The following STK3 variants were observed in gnomAD, a reference collection of about 807,000 sequenced individuals.
The protein encoded by STK3 is serine/threonine-protein kinase 3.
In STK3, 41 loss-of-function variants were observed where a neutral mutation model predicts 58.0. The observed-to-expected ratio is 0.71, with a 90% confidence interval of 0.55 to 0.92. The LOEUF (loss-of-function observed/expected upper bound fraction) is 0.92. Ranked by LOEUF, STK3 falls within the 40% of genes least tolerant of loss-of-function variation. The pLI is 0.00. For synonymous variants in STK3, 170 were observed against 191.0 expected, an observed-to-expected ratio of 0.89 and a Z score of 0.91; for missense variants, 479 against 602.7, an observed-to-expected ratio of 0.79 and a Z score of 2.15.
intron 3 of STK3, among the ~76,000 whole-genome samples, chr8:98,761,809 G>A (rs190726079): frequency 6.6e-6 from 1 of 152,086 alleles, no homozygotes; most frequent in East Asian, 1.9e-4. Flanking sequence ...TGGTGATTTT[G>A]AAACTTTTGA....
intron 9 of STK3, among the ~76,000 whole-genome samples, chr8:98,536,031 T>TA (rs1809735641): frequency 6.6e-6 from 1 of 152,070 alleles, no homozygotes; most frequent in East Asian, 1.9e-4. Context: ...GTTGACTAAA[T>TA]AAAGAAAGGA....
At position 98,719,996 on chromosome 8, in the gene STK3, T is replaced by A. The variant is rs181147049; in HGVS notation, c.352-12685A>T. On this transcript the variant is annotated intron_variant, in intron 4 of 10. Transcript: ENST00000419617. ...TCCTTAATCAAAAAATGATGCAATATCCAGTCATTCATACAAGTACATGAA... is the reference window on the plus strand; with the variant it reads ...TCCTTAATCAAAAAATGATGCAATAACCAGTCATTCATACAAGTACATGAA... Among the ~76,000 whole-genome samples, 188 of 152,350 alleles carry A rather than the reference T, an allele frequency of 1.2e-3. 1 individual carries two copies. Among genetic ancestry groups the A allele is most frequent in the Admixed American group, 6.3e-3 (97 of 15,304 alleles).
intron 1 of STK3, among the ~76,000 whole-genome samples, chr8:98,803,213 G>C (rs371118397): frequency 1.3e-5 from 2 of 152,074 alleles, no homozygotes; most frequent in East Asian, 3.9e-4. Context: ...TTCATGAAAT[G>C]CATTCAATAA....
At chr8:98,368,735 G>GTGATGGTGCCATCACATC (rs1352659689), downstream of STK3, among the ~76,000 whole-genome samples, 9 of 152,206 alleles carry the variant, frequency 5.9e-5, no homozygotes, top group African/African-American at 1.7e-4. Context: ...CAGATGAACT[G>GTGATGGTGCCATCACATC]TGATGGTGCC....
chr8:98,470,452 G>C (rs1820834960), intron 10 of STK3, among the ~76,000 whole-genome samples: 1 of 152,080 alleles, frequency 6.6e-6, no homozygotes, highest in Non-Finnish European at 1.5e-5. Flanking sequence ...CTTTTCACAG[G>C]GGTGTTCACT....
intron 6 of STK3, among the ~76,000 whole-genome samples, chr8:98,691,793 G>A (rs1200739869): frequency 3.3e-5 from 5 of 151,914 alleles, no homozygotes; most frequent in Admixed American, 1.3e-4. Context: ...TTAGCTGGGC[G>A]TGGTGGCGCG....
In STK3 at chr8:98,694,646, C is replaced by T. The variant is rs182766215; in HGVS notation, c.684+11821G>A. Reference sequence around the variant, plus strand: ...ATAGTTTACTGAGAATCATGATTTCCAACTTCATCCATGTCCCTACAAAGA... The same window carrying T: ...ATAGTTTACTGAGAATCATGATTTCTAACTTCATCCATGTCCCTACAAAGA... On this transcript the variant is annotated intron_variant, in intron 6 of 10. Coordinates refer to ENST00000419617, the MANE Select transcript of STK3 (RefSeq NM_006281.4). 9.2e-3 allele frequency among the ~76,000 whole-genome samples: 1,404 copies of T among 152,248 alleles called. 17 individuals are homozygous for T. The highest frequency in any genetic ancestry group is 0.032 in the African/African-American group (1,327 of 41,534).
chr8:98,550,697 A>G (rs1229020409), intron 8 of STK3, among the ~76,000 whole-genome samples: 3 of 151,818 alleles, frequency 2.0e-5, no homozygotes, highest in Non-Finnish European at 4.4e-5. Context: ...CTGACTGAGG[A>G]CTCTCCCATC....
chr8:98,768,441 C>T (rs535101004), intron 2 of STK3, among the ~76,000 whole-genome samples: 25 of 152,232 alleles, frequency 1.6e-4, no homozygotes, highest in Non-Finnish European at 2.6e-4. Flanking sequence ...TAAGTGATAA[C>T]GCGGCTACTT....
chr8:98,626,475 G>T (rs185985713), intron 6 of STK3, among the ~76,000 whole-genome samples: 356 of 152,254 alleles, frequency 2.3e-3, no homozygotes, highest in Admixed American at 2.2e-3. Flanking sequence ...CATTATAATG[G>T]AAGAGCTGAA....
intron 1 of STK3, among the ~76,000 whole-genome samples, chr8:98,908,494 A>C (rs1229995177): frequency 2.6e-5 from 4 of 152,178 alleles, no homozygotes; most frequent in African/African-American, 9.7e-5. Context: ...TTGAGGCTCC[A>C]GTGAGCTATC....
chr8:98,920,574 T>A (rs1333173064), intron 1 of STK3, among the ~76,000 whole-genome samples: 2 of 152,228 alleles, frequency 1.3e-5, no homozygotes, highest in African/African-American at 2.4e-5. Flanking sequence ...AGCCGTTGTT[T>A]GGACCTGGCG....
intron 6 of STK3, among the ~76,000 whole-genome samples, chr8:98,628,912 G>T (rs149417590): frequency 1.5e-4 from 23 of 151,582 alleles, no homozygotes; most frequent in African/African-American, 5.6e-4. Context: ...AACAGGTTTG[G>T]AAAACATTAA....
chr8:98,500,508 C>T (rs569975619), intron 10 of STK3, among the ~76,000 whole-genome samples: 17 of 152,256 alleles, frequency 1.1e-4, no homozygotes, highest in African/African-American at 4.1e-4. Flanking sequence ...GCTATCTCTA[C>T]CCCTGCCCCC....
intron 6 of STK3, among the ~76,000 whole-genome samples, chr8:98,690,370 A>G (rs934091586): frequency 6.6e-5 from 10 of 152,050 alleles, no homozygotes; most frequent in Non-Finnish European, 1.3e-4. Flanking sequence ...AATGTACAAA[A>G]ATCAGTAGCA....
At chr8:98,662,673 ATTTC>A (rs1489708906) in intron 6 of STK3, among the ~76,000 whole-genome samples, 2 of 151,360 alleles carry the variant, frequency 1.3e-5, no homozygotes, top group Non-Finnish European at 1.5e-5. Flanking sequence ...GTCAAGCTGT[ATTTC>A]TTTTTTTTTT....
chr8:98,439,944 T>C (rs1424684580), intron 1 of STK3, among the ~76,000 whole-genome samples: 1 of 152,128 alleles, frequency 6.6e-6, no homozygotes, highest in East Asian at 1.9e-4. Context: ...CAGTGAGATA[T>C]TGGGCACAAC....
intron 10 of STK3, among the ~76,000 whole-genome samples, chr8:98,468,054 T>G (rs1020001617): frequency 6.6e-6 from 1 of 152,334 alleles, no homozygotes; most frequent in African/African-American, 2.4e-5. Flanking sequence ...TTTTTAATAG[T>G]GAAGCAACAT....
chr8:98,768,884 C>T (rs139104156), intron 2 of STK3, among the ~76,000 whole-genome samples: 1 of 152,246 alleles, frequency 6.6e-6, no homozygotes, highest in Non-Finnish European at 1.5e-5. Flanking sequence ...GAGCTTCCAA[C>T]AGCCACCACT....
Sources: gnomAD v4.1 joint callset for allele counts (sites outside exome capture counted in the v4.1 genomes callset) on GRCh38, gnomAD v4.1.1 for gene constraint, MANE v1.5 for transcripts, NCBI Gene and HGNC (gene_info 2026-07-23, HGNC 2026-07-21) for gene names.